Variants in MPO observed in about 807,000 individuals in gnomAD.
MPO encodes myeloperoxidase.
MPO carries 57 observed loss-of-function variants against 69.4 expected under a neutral mutation model. The ratio of observed to expected loss-of-function variants is 0.82; its 90% CI spans 0.66 to 1.02. The LOEUF is 1.02. Ranked by LOEUF, MPO falls within the 50% of genes least tolerant of loss-of-function variation. MPO has a pLI of 0.00. For missense variants in MPO, 971 were observed against 1,014.1 expected, an observed-to-expected ratio of 0.96 and a Z score of 0.58; for synonymous variants, 426 against 417.1, an observed-to-expected ratio of 1.02 and a Z score of -0.26.
chr17:58,275,838 T>C lies in MPO; in HGVS notation c.1205-136A>G. On this transcript the variant is annotated intron_variant, in intron 7 of 11. Coordinates refer to ENST00000225275, the MANE Select transcript of MPO (RefSeq NM_000250.2). This position sits in a 1 kb window ranked among gnomAD's most constrained non-coding sequence, Gnocchi z 4.1. ...CCTCCCCATCCATCTTTTCAAACTA[T>C]CCCCAATTTACACTCCTCTAGGAGG... 1.8e-6 allele frequency: 2 copies of C among 1,095,368 alleles called. No individual in the cohort carries two copies. The highest frequency in any genetic ancestry group is 1.4e-5 in the South Asian group (1 of 73,712). 67.9% of individuals were successfully genotyped at this position (1,095,368 alleles called of 1,614,324 possible). A position where few individuals can be genotyped will look rare whatever the true frequency, so the allele number is the denominator to read the frequency against.
At chr17:58,271,193 G>A (rs1970361012) in intron 11 of MPO, among the ~76,000 whole-genome samples, 1 of 152,206 alleles carries the variant, frequency 6.6e-6, no homozygotes, top group Admixed American at 6.5e-5. Flanking sequence ...GAGTGGAAGA[G>A]AATCTTGGGG....
rs1333295007 is a variant in MPO, at chr17:58,279,822, G to A, written c.424+17C>T. 6.2e-7 allele frequency: 1 copy of A among 1,614,062 alleles called. No homozygotes were observed. Among genetic ancestry groups the A allele is most frequent in the Admixed American group, 1.7e-5 (1 of 60,030 alleles). On this transcript the variant is annotated intron_variant, in intron 3 of 11. Transcript: ENST00000225275. The stretch of plus-strand genomic sequence containing the variant: ...CACTAGTGGAGCAGGGACCTGGGGT[G>A]TGATGGGCAACAGTACCAGTGACAT...
At position 58,270,378 on chromosome 17, in the gene MPO, T is replaced by G. The variant is rs1970351088; in HGVS notation, c.*278A>C. ...TCCTCACCAGTCCGCTCTGCTGCCT[T>G]CCACATACTCAGTATTCTCATCAGC... is the stretch of plus-strand genomic sequence containing the variant. On this transcript the variant is annotated 3_prime_UTR_variant, in exon 12 of 12. Transcript: ENST00000225275. The surrounding 1 kb of genome is among the most constrained non-coding windows in gnomAD (Gnocchi z 4.1). 2 of 460,952 alleles carry G rather than the reference T, an allele frequency of 4.3e-6. No individual in the cohort carries two copies. Among genetic ancestry groups the G allele is most frequent in the Admixed American group, 6.5e-5 (2 of 30,786 alleles). 28.6% of individuals were successfully genotyped at this position (460,952 alleles called of 1,614,324 possible).
chr17:58,271,888 G>A lies in MPO; in HGVS notation c.1797C>T (p.Tyr599=). 6.2e-7 allele frequency: 1 copy of A among 1,614,002 alleles called. No homozygotes were observed. The highest frequency in any genetic ancestry group is 1.1e-5 in the South Asian group (1 of 91,088). ...GCCCACAGAAGCGCCTCCAGGCATT[G>A]TATCCTGCATGGGGGAGGGGACAGG... ...QRSRDHGLPG[Y]NAWRRFCGLP... is the part of the protein sequence containing the mutation. Residue 599 remains tyrosine (Y), a synonymous_variant, in exon 11 of 12, where the codon TAC becomes TAT. Transcript: ENST00000225275.
At position 58,280,904 on chromosome 17, in the gene MPO, G is replaced by A; in HGVS notation, c.-146C>T. 1 of 895,480 alleles carries A rather than the reference G, an allele frequency of 1.1e-6. No homozygotes were observed. The highest frequency in any genetic ancestry group is 1.7e-6 in the Non-Finnish European group (1 of 582,980). The allele number at this position is 895,480 out of a possible 1,614,324, so 55.5% of individuals were successfully genotyped here. Reference sequence around the variant, plus strand: ...CAGCTGCTGTCATCCAGCTTCCAAGGACCCCACCTCCACAGCTCACCTGAT... The same window carrying A: ...CAGCTGCTGTCATCCAGCTTCCAAGAACCCCACCTCCACAGCTCACCTGAT... On this transcript the variant is annotated 5_prime_UTR_variant, in exon 1 of 12. Coordinates refer to ENST00000225275, the MANE Select transcript of MPO (RefSeq NM_000250.2).
chr17:58,280,380 C>G lies in MPO; in HGVS notation c.234G>C (p.Lys78Asn). 3.7e-6 allele frequency: 6 copies of G among 1,614,100 alleles called. No individual in the cohort carries two copies. The highest frequency in any genetic ancestry group is 4.2e-6 in the Non-Finnish European group (5 of 1,179,982). The part of the protein sequence containing the change: ...EAKQLVDKAY[K>N]ERRESIKQRL... Reference sequence around the variant, plus strand: ...TCGTGCCCCACCTTTCCCGCCGCTCCTTGTAGGCCTTGTCCACCAGCTGCT... The same window carrying G: ...TCGTGCCCCACCTTTCCCGCCGCTCGTTGTAGGCCTTGTCCACCAGCTGCT... The change falls in exon 2 of 12, where the codon AAG (lysine) becomes AAC (asparagine). Residue 78 changes from lysine to asparagine, a missense_variant. By Grantham distance (94) the Lys-to-Asn change is moderately conservative. Transcript: ENST00000225275.
Position 58,270,626 on chromosome 17 carries a change from C to T in MPO, c.*30G>A. 1 of 1,565,468 alleles carries T rather than the reference C, an allele frequency of 6.4e-7. No individual in the cohort carries two copies. The highest frequency in any genetic ancestry group is 1.2e-5 in the South Asian group (1 of 86,640). Reference sequence around the variant, plus strand: ...TTCCAACTGGCCAGCCCAGATATACCCCTCACTGCTGCACCCCCTTACCTG... The same window carrying T: ...TTCCAACTGGCCAGCCCAGATATACTCCTCACTGCTGCACCCCCTTACCTG... On this transcript the variant is annotated 3_prime_UTR_variant, in exon 12 of 12. Coordinates refer to ENST00000225275, the MANE Select transcript of MPO (RefSeq NM_000250.2). This position sits in a 1 kb window ranked among gnomAD's most constrained non-coding sequence, Gnocchi z 4.1.
At chr17:58,273,794 G>A (rs1253794257) in intron 8 of MPO, 125 bp from the exon 9 acceptor site, 2 of 1,348,302 alleles carry the variant, frequency 1.5e-6, no homozygotes, top group African/African-American at 1.4e-5. Flanking sequence ...ATCCCTCTAT[G>A]GTCAGGGAAT....
chr17:58,280,053 T>C (rs145954048), intron 2 of MPO, 39 bp from the exon 3 acceptor site: 65 of 1,605,504 alleles, frequency 4.0e-5, no homozygotes, highest in Non-Finnish European at 5.3e-5. Flanking sequence ...AGAGAAGGGA[T>C]ACAGACCCAC....
intron 2 of MPO, 31 bp downstream of exon 2, chr17:58,280,335 G>C: frequency 6.2e-7 from 1 of 1,607,628 alleles, no homozygotes; most frequent in Admixed American, 1.7e-5. Context: ...GGACATCCTT[G>C]CCCAGAGCTG....
At chr17:58,271,987 A>C (rs1970371269) in intron 10 of MPO, 95 bp from the exon 11 acceptor site, 1 of 1,369,658 alleles carries the variant, frequency 7.3e-7, no homozygotes, top group Non-Finnish European at 1.0e-6. Context: ...ACATATCGCC[A>C]GCAGCCCAGA....
chr17:58,273,990 T>C (rs566955040), intron 8 of MPO, among the ~76,000 whole-genome samples: 1 of 152,364 alleles, frequency 6.6e-6, no homozygotes, highest in East Asian at 1.9e-4. Flanking sequence ...CAAATCACTT[T>C]TTTAGTCATT....
At chr17:58,273,314 G>A (rs1970389852) in intron 9 of MPO, 100 bp downstream of exon 9, 1 of 1,572,214 alleles carries the variant, frequency 6.4e-7, no homozygotes, top group Non-Finnish European at 8.7e-7. Context: ...AAGATGGGAG[G>A]AAAGCAGACT....
chr17:58,273,389 C>T (rs746472342), intron 9 of MPO, 25 bp downstream of exon 9: 46 of 1,613,950 alleles, frequency 2.9e-5, no homozygotes, highest in East Asian at 1.3e-4. Context: ...TCAGCCCACT[C>T]GCTCCTGGCC....
intron 10 of MPO, 23 bp from the exon 11 acceptor site, chr17:58,271,915 G>A: frequency 6.2e-7 from 1 of 1,611,160 alleles, no homozygotes; most frequent in Non-Finnish European, 8.5e-7. Context: ...GGGGACAGGT[G>A]GCTATGGGCA....
In MPO at chr17:58,279,577, AC is replaced by A. The variant is rs769915235; in HGVS notation, c.493del (p.Val165Ter). Reference sequence around the variant, plus strand: ...GTATTTGTCCTGCTCCGGGCAAGTCACCCCCACGTCCTGGTAGGCGCAGCCG... The same window carrying A: ...GTATTTGTCCTGCTCCGGGCAAGTCACCCCACGTCCTGGTAGGCGCAGCCG... ...SSGCAYQDVG[V>X]TCPEQDKYRT... On this transcript the variant is annotated frameshift_variant, in exon 4 of 12. Transcript: ENST00000225275. LOFTEE classifies it high-confidence loss of function. 28 of 1,613,918 alleles carry A rather than the reference AC, an allele frequency of 1.7e-5. No homozygotes were observed. Among genetic ancestry groups the A allele is most frequent in the East Asian group, 1.3e-4 (6 of 44,864 alleles).
chr17:58,274,355 T>C, intron 8 of MPO: 1 of 284,412 alleles, frequency 3.5e-6, no homozygotes, highest in Non-Finnish European at 7.4e-6. Flanking sequence ...GGAGTGTGTG[T>C]GTGTGTGTGT....
rs1242584061 is a variant in MPO, at chr17:58,279,833, C to T, written c.424+6G>A. The T allele has an allele frequency of 6.2e-7, 1 of 1,614,098 alleles. No homozygotes were observed. The highest frequency in any genetic ancestry group is 1.1e-5 in the South Asian group (1 of 91,086). Reference sequence around the variant, plus strand: ...CAGGGACCTGGGGTGTGATGGGCAACAGTACCAGTGACATTGAATGGCCTT... The same window carrying T: ...CAGGGACCTGGGGTGTGATGGGCAATAGTACCAGTGACATTGAATGGCCTT... On this transcript the variant is annotated splice_donor_region_variant and intron_variant, in intron 3 of 11. Coordinates refer to ENST00000225275, the MANE Select transcript of MPO (RefSeq NM_000250.2).
At chr17:58,278,891 C>T (rs1970473678) in intron 6 of MPO, 117 bp downstream of exon 6, 2 of 1,222,864 alleles carry the variant, frequency 1.6e-6, no homozygotes, top group African/African-American at 1.5e-5. Context: ...ACAAGGGAGG[C>T]AGGGCCAGCC....
Sources: gnomAD v4.1 joint callset for allele counts (sites outside exome capture counted in the v4.1 genomes callset) on GRCh38, gnomAD v4.1.1 for gene constraint, Gnocchi (gnomAD v3.1) non-coding constraint, MANE v1.5 for transcripts, NCBI Gene and HGNC (gene_info 2026-07-23, HGNC 2026-07-21) for gene names.